Variants in ABTB2 observed in about 807,000 individuals in gnomAD.
ABTB2 encodes ankyrin repeat and BTB/POZ domain-containing protein 2.
ABTB2 carries 56 observed loss-of-function variants against 104.1 expected under a neutral mutation model. That is an observed-to-expected ratio of 0.54 (90% CI 0.43 to 0.67). The LOEUF is 0.67. Ranked by LOEUF, ABTB2 falls within the 30% of genes least tolerant of loss-of-function variation. ABTB2 has a pLI of 0.00. For missense variants in ABTB2, 1,279 were observed against 1,407.7 expected (o/e 0.91, Z 1.46); for synonymous variants, 606 against 608.2 (o/e 1.00, Z 0.05).
chr11:34,267,022 G>A (rs1466711945), intron 1 of ABTB2, among the ~76,000 whole-genome samples: 1 of 151,582 alleles, frequency 6.6e-6, no homozygotes, highest in African/African-American at 2.4e-5. Context: ...GTAGGGGAGG[G>A]AGGGGCGGGG....
chr11:34,197,275 A>G lies in ABTB2; in HGVS notation c.1244+50T>C, dbSNP rs373022884. 5 of 1,587,430 alleles carry G rather than the reference A, an allele frequency of 3.1e-6. No homozygotes were observed. The African/African-American group carries it at 6.7e-5, about 21-fold the overall frequency. On this transcript the variant is annotated intron_variant, in intron 3 of 16. Transcript: ENST00000435224. ...TCAGTGTCAGTCAGTCGGTCAATGCACGTTTGGGAGCACGTCCCACCAGGT... is the reference window on the plus strand; with the variant it reads ...TCAGTGTCAGTCAGTCGGTCAATGCGCGTTTGGGAGCACGTCCCACCAGGT...
At chr11:34,197,632 C>T in intron 2 of ABTB2, 94 bp from the exon 3 acceptor site, 2 of 922,396 alleles carry the variant, frequency 2.2e-6, no homozygotes, top group South Asian at 1.7e-5. Context: ...ATGTTCCTGG[C>T]TGAAGCTCCC....
At chr11:34,246,383 T>G (rs1590228769) in intron 1 of ABTB2, among the ~76,000 whole-genome samples, 1 of 151,904 alleles carries the variant, frequency 6.6e-6, no homozygotes, top group Non-Finnish European at 1.5e-5. Flanking sequence ...AGGTGGATCA[T>G]CTGAGGTTGG....
chr11:34,246,847 C>CTTTTTTTT (rs199831054), intron 1 of ABTB2, among the ~76,000 whole-genome samples: 5 of 118,280 alleles, frequency 4.2e-5, no homozygotes, highest in Admixed American at 8.7e-5. Flanking sequence ...TTTCTTTTTT[C>CTTTTTTTT]TTTTTTTTTT....
chr11:34,350,715 G>C (rs1370771777), intron 1 of ABTB2, among the ~76,000 whole-genome samples: 1 of 152,192 alleles, frequency 6.6e-6, no homozygotes, highest in Non-Finnish European at 1.5e-5. Flanking sequence ...TAACAAACAA[G>C]ACCTATAACA....
rs571737387 is a variant in ABTB2 at position 34,267,168 on chromosome 11, C to T, written c.884-62478G>A. ...GGATGCTGCCAGCCATGTGTCACGA[C>T]GGCCAAGTACTCTGTAGCTGAGGCC... On this transcript the variant is annotated intron_variant, in intron 1 of 16. Coordinates refer to ENST00000435224, the MANE Select transcript of ABTB2 (RefSeq NM_145804.3). Among the ~76,000 whole-genome samples, 70 of 152,288 alleles carry T rather than the reference C, an allele frequency of 4.6e-4. No individual in the cohort carries two copies. The South Asian group carries it at 0.013, about 29-fold the overall frequency.
intron 14 of ABTB2, among the ~76,000 whole-genome samples, chr11:34,155,790 G>A (rs757269997): frequency 6.6e-6 from 1 of 152,216 alleles, no homozygotes; most frequent in Admixed American, 6.5e-5. Context: ...AAGCTCCCAC[G>A]GCCTTCTGCA....
intron 1 of ABTB2, among the ~76,000 whole-genome samples, chr11:34,272,727 AAAAAC>A (rs1184675161): frequency 2.0e-5 from 3 of 150,252 alleles, no homozygotes; most frequent in South Asian, 2.1e-4. Flanking sequence ...AAAAAAAAAA[AAAAAC>A]CAACCAACCA....
At chr11:34,332,302 A>C (rs72914600) in intron 1 of ABTB2, among the ~76,000 whole-genome samples, 1 of 152,154 alleles carries the variant, frequency 6.6e-6, no homozygotes, top group South Asian at 2.1e-4. Flanking sequence ...CTGCATCTTC[A>C]CTGCCACCTA....
chr11:34,223,189 C>T (rs1327999037), intron 1 of ABTB2, among the ~76,000 whole-genome samples: 2 of 152,118 alleles, frequency 1.3e-5, no homozygotes, highest in South Asian at 2.1e-4. Context: ...CCAACACAGC[C>T]GAGGACCGAG....
chr11:34,204,807 A>T lies in ABTB2; in HGVS notation c.884-117T>A, dbSNP rs1026291822. 8 of 1,202,874 alleles carry T rather than the reference A, an allele frequency of 6.7e-6. No homozygotes were observed. The South Asian group carries it at 1.3e-4, about 19-fold the overall frequency. The allele number at this position is 1,202,874 out of a possible 1,614,324, so 74.5% of individuals were successfully genotyped here. On this transcript the variant is annotated intron_variant, in intron 1 of 16. Transcript: ENST00000435224. ...CCCTGCTCTTGACAGAGAGAGGTTC[A>T]GGAGGTAAAATCTCTCTGAGCCTTG...
At chr11:34,333,987 C>A (rs1855163254) in intron 1 of ABTB2, among the ~76,000 whole-genome samples, 1 of 150,098 alleles carries the variant, frequency 6.7e-6, no homozygotes, top group Non-Finnish European at 1.5e-5. Context: ...GGTGCTTCCC[C>A]TTTCCACTAA....
At position 34,160,242 on chromosome 11, in the gene ABTB2, C is replaced by G; in HGVS notation, c.2503+6G>C. ...GTGATGCAGGGCGCAGGGGGCGCGC[C>G]TTCACCTAGCCTGGCCGGCAGGGTC... On this transcript the variant is annotated splice_donor_region_variant and intron_variant, in intron 12 of 16. Coordinates refer to ENST00000435224, the MANE Select transcript of ABTB2 (RefSeq NM_145804.3). 1 of 1,611,152 alleles carries G rather than the reference C, an allele frequency of 6.2e-7. No homozygotes were observed. Among genetic ancestry groups the G allele is most frequent in the Non-Finnish European group, 8.5e-7 (1 of 1,177,436 alleles).
intron 1 of ABTB2, among the ~76,000 whole-genome samples, chr11:34,324,638 A>G (rs1339180400): frequency 6.6e-6 from 1 of 152,234 alleles, no homozygotes; most frequent in Non-Finnish European, 1.5e-5. Flanking sequence ...CCACTGGATC[A>G]GCCTCCAGGA....
chr11:34,326,801 G>A (rs867190610), intron 1 of ABTB2, among the ~76,000 whole-genome samples: 2 of 152,208 alleles, frequency 1.3e-5, no homozygotes, highest in Non-Finnish European at 2.9e-5. Context: ...TGGGTGCGTT[G>A]TCTCATGCCT....
At chr11:34,227,897 G>C (rs572678321) in intron 1 of ABTB2, among the ~76,000 whole-genome samples, 208 of 143,130 alleles carry the variant, frequency 1.5e-3, no homozygotes, top group African/African-American at 5.3e-3. Flanking sequence ...ACCACACCTG[G>C]CTAATTTTTG....
intron 1 of ABTB2, among the ~76,000 whole-genome samples, chr11:34,287,185 G>GA (rs34599793): frequency 0.2 from 21,129 of 105,792 alleles, 1,773 homozygotes; most frequent in Admixed American, 0.29. Context: ...TGTCTTTATT[G>GA]AAAAAAAAAA....
intron 1 of ABTB2, among the ~76,000 whole-genome samples, chr11:34,291,826 A>G (rs1854567792): frequency 6.6e-6 from 1 of 152,142 alleles, no homozygotes; most frequent in Admixed American, 6.5e-5. Flanking sequence ...TTTTTAAAAA[A>G]TTATTTAACA....
intron 7 of ABTB2, among the ~76,000 whole-genome samples, chr11:34,166,060 G>T (rs1270977869): frequency 6.6e-6 from 1 of 152,256 alleles, no homozygotes; most frequent in Non-Finnish European, 1.5e-5. Context: ...TTGGGGCAGG[G>T]GTGGGGCCTG....
Sources: allele counts gnomAD v4.1 joint callset (sites outside exome capture counted in the v4.1 genomes callset), GRCh38; gene constraint gnomAD v4.1.1; transcripts MANE v1.5; gene names NCBI Gene and HGNC (gene_info 2026-07-23, HGNC 2026-07-21).